The following SNED1 variants were observed in gnomAD, a reference collection of about 807,000 sequenced individuals.
SNED1 encodes the protein sushi, nidogen and EGF like domains 1.
In SNED1, 81 loss-of-function variants were observed where a neutral mutation model predicts 166.7. The ratio of observed to expected loss-of-function variants is 0.49; its 90% CI spans 0.41 to 0.58. The LOEUF is 0.58. SNED1 is among the 20% of genes least tolerant of loss of function. The pLI, the probability that SNED1 is intolerant of heterozygous loss-of-function variation, is 0.00. For missense variants in SNED1, 1,604 were observed against 2,000.2 expected, an observed-to-expected ratio of 0.80 and a Z score of 3.78; for synonymous variants, 762 against 822.0, an observed-to-expected ratio of 0.93 and a Z score of 1.25.
intron 1 of SNED1, among the ~76,000 whole-genome samples, chr2:241,006,225 A>G (rs962047966): frequency 1.3e-5 from 2 of 152,044 alleles, no homozygotes; most frequent in Middle Eastern, 3.2e-3. Context: ...TTTTACTCCT[A>G]TAAGTTGTAT....
chr2:241,015,607 T>C (rs2060553968), intron 1 of SNED1: 1 of 155,002 alleles, frequency 6.5e-6, no homozygotes, highest in Non-Finnish European at 1.4e-5. Flanking sequence ...CTTCCTGCGC[T>C]GGCTGAGGCC....
rs543188771 is a variant in SNED1 at position 241,091,521 on chromosome 2, G to C, written c.*2-117G>C. On this transcript the variant is annotated intron_variant, in intron 31 of 31. Coordinates refer to ENST00000310397, the MANE Select transcript of SNED1 (RefSeq NM_001080437.3). This position sits in a 1 kb window ranked among gnomAD's most constrained non-coding sequence, Gnocchi z 4.1. Reference sequence around the variant, plus strand: ...AATCCTGGTGCTCTAAGAACGTGGGGTCCTCTGGGTGACAGAGGCCCTGAG... The same window carrying C: ...AATCCTGGTGCTCTAAGAACGTGGGCTCCTCTGGGTGACAGAGGCCCTGAG... 7.2e-5 allele frequency: 11 copies of C among 152,352 alleles called. No homozygotes were observed. Among genetic ancestry groups the C allele is most frequent in the African/African-American group, 2.6e-4 (11 of 41,578 alleles). 9.4% of individuals were successfully genotyped at this position (152,352 alleles called of 1,614,324 possible). A position where few individuals can be genotyped will look rare whatever the true frequency, so the allele number is the denominator to read the frequency against.
At chr2:240,998,319 C>A (rs1274240534), upstream of SNED1, among the ~76,000 whole-genome samples, 1 of 152,244 alleles carries the variant, frequency 6.6e-6, no homozygotes, top group Non-Finnish European at 1.5e-5. Flanking sequence ...CGTGATGACA[C>A]GCCTTCAGGG....
chr2:241,019,850 C>T (rs1238499911), intron 1 of SNED1, among the ~76,000 whole-genome samples: 3 of 152,304 alleles, frequency 2.0e-5, no homozygotes, highest in South Asian at 4.1e-4. Flanking sequence ...CAGACTGGGG[C>T]AGCAGGCTTT....
chr2:241,072,387 G>C, intron 26 of SNED1: 1 of 365,194 alleles, frequency 2.7e-6, no homozygotes, highest in South Asian at 2.0e-5. Context: ...GCCGCTCTGG[G>C]AATCTGCCTG....
rs2060007614 is a variant in SNED1, at chr2:240,999,352, A to G, written c.213+302A>G. ...CTTCCCGGCGCCTGATTCCCAGGGGAGAGCAGGGGTCCTGGTACTGCCCTG... is the reference window on the plus strand; with the variant it reads ...CTTCCCGGCGCCTGATTCCCAGGGGGGAGCAGGGGTCCTGGTACTGCCCTG... On this transcript the variant is annotated intron_variant, in intron 1 of 31. Coordinates refer to ENST00000310397, the MANE Select transcript of SNED1 (RefSeq NM_001080437.3). This position sits in a 1 kb window ranked among gnomAD's most constrained non-coding sequence, Gnocchi z 5.8. Among the ~76,000 whole-genome samples the G allele has an allele frequency of 6.6e-6, 1 of 151,954 alleles. No individual in the cohort carries two copies. The highest frequency in any genetic ancestry group is 2.1e-4 in the South Asian group (1 of 4,824).
chr2:241,026,539 C>G (rs2060976324), intron 1 of SNED1, among the ~76,000 whole-genome samples: 1 of 152,174 alleles, frequency 6.6e-6, no homozygotes, highest in Non-Finnish European at 1.5e-5. Flanking sequence ...ATAGTTTCTT[C>G]TGACCTTTTA....
At chr2:241,022,853 A>G (rs1368881700) in intron 1 of SNED1, among the ~76,000 whole-genome samples, 1 of 152,196 alleles carries the variant, frequency 6.6e-6, no homozygotes, top group Non-Finnish European at 1.5e-5. Context: ...GTATTATTAT[A>G]AAGCTGTTTA....
intron 16 of SNED1, among the ~76,000 whole-genome samples, chr2:241,057,128 C>T (rs1034690855): frequency 2.0e-5 from 3 of 151,288 alleles, no homozygotes; most frequent in African/African-American, 4.9e-5. Context: ...CCTGTAATTC[C>T]AGCACTTTGG....
chr2:241,082,434 A>G, intron 29 of SNED1, 70 bp downstream of exon 29: 1 of 1,209,882 alleles, frequency 8.3e-7, no homozygotes, highest in Non-Finnish European at 1.2e-6. Flanking sequence ...GTGCTGTCTC[A>G]AAGCTACCCA....
intron 16 of SNED1, among the ~76,000 whole-genome samples, chr2:241,061,835 G>A (rs1348115062): frequency 1.4e-5 from 2 of 147,640 alleles, no homozygotes; most frequent in Admixed American, 6.8e-5. Flanking sequence ...CCTGGGCAAC[G>A]AGCGAAACTC....
chr2:241,056,271 A>C (rs1018160140), intron 16 of SNED1, among the ~76,000 whole-genome samples: 4 of 152,274 alleles, frequency 2.6e-5, no homozygotes, highest in Admixed American at 1.3e-4. Context: ...GAAATGAATA[A>C]ATTGTTTTAT....
chr2:241,081,414 GTT>G (rs1014576611), intron 27 of SNED1, among the ~76,000 whole-genome samples: 1 of 150,228 alleles, frequency 6.7e-6, no homozygotes, highest in African/African-American at 2.5e-5. Context: ...CCTCCTCCTT[GTT>G]TTTGTTTGTC....
chr2:241,016,296 C>T (rs6437227), intron 1 of SNED1, among the ~76,000 whole-genome samples: 20,246 of 148,710 alleles, frequency 0.14, 1,476 homozygotes, highest in East Asian at 0.17. Context: ...CCGGGGTTCA[C>T]GCTATTCTCC....
Position 241,044,511 on chromosome 2 carries a change from G to A in SNED1, c.1274-3804G>A, listed in dbSNP as rs543698993. 4.0e-4 allele frequency among the ~76,000 whole-genome samples: 61 copies of A among 152,290 alleles called. No individual in the cohort carries two copies. The South Asian group carries it at 8.9e-3, about 22-fold the overall frequency. On this transcript the variant is annotated intron_variant, in intron 8 of 31. Transcript: ENST00000310397. Reference sequence around the variant, plus strand: ...GGATTGGGGAAGAAGACCAAGCTTCGAAGTACCACCAAACCAGTGGTGAGT... The same window carrying A: ...GGATTGGGGAAGAAGACCAAGCTTCAAAGTACCACCAAACCAGTGGTGAGT...
At chr2:241,010,748 G>C (rs1444442250) in intron 1 of SNED1, 1 of 152,418 alleles carries the variant, frequency 6.6e-6, no homozygotes, top group African/African-American at 2.4e-5. Flanking sequence ...TTTCCAGGCG[G>C]CCTGTGTGTG....
At chr2:241,006,495 G>A (rs979011321) in intron 1 of SNED1, among the ~76,000 whole-genome samples, 1 of 152,242 alleles carries the variant, frequency 6.6e-6, no homozygotes, top group Non-Finnish European at 1.5e-5. Context: ...GAGCCAGTGA[G>A]TAAATAGATT....
intron 8 of SNED1, among the ~76,000 whole-genome samples, chr2:241,046,926 C>T (rs192658343): frequency 8.5e-5 from 13 of 152,158 alleles, no homozygotes; most frequent in Admixed American, 7.2e-4. Context: ...AGGCGGATCA[C>T]GAGGTCAGGA....
In SNED1 at chr2:241,069,471, G is replaced by A. The variant is rs1224918674; in HGVS notation, c.3307+448G>A. Among the ~76,000 whole-genome samples, 1 of 152,194 alleles carries A rather than the reference G, an allele frequency of 6.6e-6. No individual in the cohort carries two copies. The highest frequency in any genetic ancestry group is 1.5e-5 in the Non-Finnish European group (1 of 68,028). ...GTCAGCGCGCAGGGGAGGGACAGGTGAACTGGGCAGAGGGGAGGCTGCAGC... is the reference window on the plus strand; with the variant it reads ...GTCAGCGCGCAGGGGAGGGACAGGTAAACTGGGCAGAGGGGAGGCTGCAGC... On this transcript the variant is annotated intron_variant, in intron 23 of 31. Coordinates refer to ENST00000310397, the MANE Select transcript of SNED1 (RefSeq NM_001080437.3). This position sits in a 1 kb window ranked among gnomAD's most constrained non-coding sequence, Gnocchi z 4.9.
Sources: allele counts gnomAD v4.1 joint callset (sites outside exome capture counted in the v4.1 genomes callset), GRCh38; gene constraint gnomAD v4.1.1; non-coding constraint Gnocchi (gnomAD v3.1); transcripts MANE v1.5; gene names NCBI Gene and HGNC (gene_info 2026-07-23, HGNC 2026-07-21).